The following PDE4B variants were observed in gnomAD, a reference collection of about 807,000 sequenced individuals.
The protein encoded by PDE4B is phosphodiesterase 4B.
In PDE4B, 20 loss-of-function variants were observed where a neutral mutation model predicts 82.2. That is an observed-to-expected ratio of 0.24 (90% CI 0.17 to 0.35). The LOEUF (loss-of-function observed/expected upper bound fraction) is 0.35, where lower values mean the gene tolerates loss of function less well. Among genes scored for constraint, PDE4B ranks in the 10% least tolerant of loss-of-function variants. The pLI is 1.00. For missense variants in PDE4B, 655 were observed against 907.2 expected, an observed-to-expected ratio of 0.72 and a Z score of 3.57; for synonymous variants, 320 against 318.9, an observed-to-expected ratio of 1.00 and a Z score of -0.04.
intron 3 of PDE4B, among the ~76,000 whole-genome samples, chr1:65,940,994 ATTTTGCTTTT>A (rs1311235061): frequency 7.0e-6 from 1 of 143,154 alleles, no homozygotes; most frequent in African/African-American, 2.4e-5. Context: ...AAATGTTGAT[ATTTTGCTTTT>A]TTTTGCTTCA....
intron 1 of PDE4B, among the ~76,000 whole-genome samples, chr1:65,853,949 A>G (rs567556724): frequency 2.0e-5 from 3 of 152,280 alleles, no homozygotes; most frequent in Admixed American, 6.5e-5. Flanking sequence ...TATGTGCCCA[A>G]TATGGAGTTA....
At chr1:66,011,071 A>T (rs6588177) in intron 3 of PDE4B, among the ~76,000 whole-genome samples, 115,389 of 151,638 alleles carry the variant, frequency 0.76, 44,148 homozygotes, top group African/African-American at 0.83. Context: ...TTTGAGATTC[A>T]TGCATGTTGT....
intron 3 of PDE4B, among the ~76,000 whole-genome samples, chr1:66,091,775 G>A (rs1645031338): frequency 6.6e-6 from 1 of 152,026 alleles, no homozygotes; most frequent in Non-Finnish European, 1.5e-5. Flanking sequence ...TATTGGTGGA[G>A]GCCATTAAAT....
chr1:66,252,447 T>G (rs1372182825), intron 4 of PDE4B, among the ~76,000 whole-genome samples: 1 of 152,196 alleles, frequency 6.6e-6, no homozygotes, highest in Non-Finnish European at 1.5e-5. Context: ...ACATTACAGC[T>G]TAACCTAACC....
In PDE4B at chr1:65,936,832, T is replaced by C. The variant is rs1272725723; in HGVS notation, c.281+17997T>C. On this transcript the variant is annotated intron_variant, in intron 3 of 16. Transcript: ENST00000341517. Reference sequence around the variant, plus strand: ...CCAAAGGCAGGCATGTTCTAAACACTGAATCATGTTAAAAGTGAATTTTAA... The same window carrying C: ...CCAAAGGCAGGCATGTTCTAAACACCGAATCATGTTAAAAGTGAATTTTAA... Among the ~76,000 whole-genome samples, 3 of 152,186 alleles carry C rather than the reference T, an allele frequency of 2.0e-5. No individual in the cohort carries two copies. The East Asian group carries it at 5.8e-4, about 29-fold the overall frequency.
intron 3 of PDE4B, among the ~76,000 whole-genome samples, chr1:66,195,506 C>T (rs995786832): frequency 6.6e-6 from 1 of 152,116 alleles, no homozygotes; most frequent in Non-Finnish European, 1.5e-5. Flanking sequence ...TAAAGAGCAC[C>T]ATCCCCTGTT....
intron 3 of PDE4B, among the ~76,000 whole-genome samples, chr1:66,031,308 T>A (rs748702494): frequency 6.6e-6 from 1 of 152,150 alleles, no homozygotes; most frequent in African/African-American, 2.4e-5. Flanking sequence ...TATTCTCACC[T>A]CTCATTCCTT....
At chr1:66,018,013 G>A (rs895124057) in intron 3 of PDE4B, among the ~76,000 whole-genome samples, 18 of 152,098 alleles carry the variant, frequency 1.2e-4, no homozygotes, top group African/African-American at 4.3e-4. Flanking sequence ...GCTCTGCACG[G>A]ATCATAGAGT....
chr1:66,150,883 C>T (rs565283050), intron 3 of PDE4B, among the ~76,000 whole-genome samples: 1 of 152,044 alleles, frequency 6.6e-6, no homozygotes, highest in Non-Finnish European at 1.5e-5. Context: ...GGGTTAAATC[C>T]CACTTGACCA....
chr1:66,206,595 T>A (rs1649574990), intron 3 of PDE4B, among the ~76,000 whole-genome samples: 1 of 152,232 alleles, frequency 6.6e-6, no homozygotes, highest in Admixed American at 6.5e-5. Context: ...GATCACATAC[T>A]ATAATGACCT....
intron 3 of PDE4B, among the ~76,000 whole-genome samples, chr1:66,214,107 T>C (rs941646020): frequency 1.3e-5 from 2 of 152,218 alleles, no homozygotes; most frequent in African/African-American, 4.8e-5. Context: ...GGGCATGTGA[T>C]GATGAAGGCT....
At chr1:66,096,332 A>C (rs536637637) in intron 3 of PDE4B, among the ~76,000 whole-genome samples, 1 of 151,316 alleles carries the variant, frequency 6.6e-6, no homozygotes. Context: ...TTTACATGCA[A>C]TAAACAGTAT....
chr1:66,012,936 G>A (rs943703138), intron 3 of PDE4B, among the ~76,000 whole-genome samples: 1 of 152,050 alleles, frequency 6.6e-6, no homozygotes, highest in Non-Finnish European at 1.5e-5. Flanking sequence ...GTAACTTTAT[G>A]AATACGGTAC....
intron 8 of PDE4B, 146 bp from the exon 9 acceptor site, chr1:66,355,381 A>G: frequency 2.2e-6 from 1 of 452,492 alleles, no homozygotes; most frequent in Non-Finnish European, 4.0e-6. Context: ...CAAATTGAAG[A>G]GATATATTTT....
chr1:65,891,631 T>G (rs963401362), intron 1 of PDE4B, among the ~76,000 whole-genome samples: 1 of 152,096 alleles, frequency 6.6e-6, no homozygotes, highest in Non-Finnish European at 1.5e-5. Context: ...ATAGATTCAA[T>G]TCAATGTAAT....
At chr1:66,080,818 C>T (rs1500954) in intron 3 of PDE4B, among the ~76,000 whole-genome samples, 7,548 of 152,134 alleles carry the variant, frequency 0.05, 548 homozygotes, top group East Asian at 0.36. Context: ...TATTGTATAA[C>T]GCTGAGGTTT....
chr1:66,359,848 T>C (rs1228424418), intron 9 of PDE4B, among the ~76,000 whole-genome samples: 1 of 152,210 alleles, frequency 6.6e-6, no homozygotes, highest in Non-Finnish European at 1.5e-5. Context: ...AGAGATTGTG[T>C]GGCAGGAAAA....
At chr1:65,871,219 T>C (rs1646569451) in intron 1 of PDE4B, among the ~76,000 whole-genome samples, 1 of 152,224 alleles carries the variant, frequency 6.6e-6, no homozygotes, top group South Asian at 2.1e-4. Context: ...GCTTTAAATC[T>C]CTTCATGACT....
intron 3 of PDE4B, among the ~76,000 whole-genome samples, chr1:66,079,523 A>G (rs911982193): frequency 6.6e-6 from 1 of 152,160 alleles, no homozygotes; most frequent in African/African-American, 2.4e-5. Flanking sequence ...CTGTAATGCC[A>G]TGTAATGCCA....
Sources: gnomAD v4.1 joint callset for allele counts (sites outside exome capture counted in the v4.1 genomes callset) on GRCh38, gnomAD v4.1.1 for gene constraint, MANE v1.5 for transcripts, NCBI Gene and HGNC (gene_info 2026-07-23, HGNC 2026-07-21) for gene names.